RBM26: variants seen among roughly 807,000 people sequenced by gnomAD.
RBM26 encodes the protein RNA-binding protein 26.
In RBM26, 30 loss-of-function variants were observed where a neutral mutation model predicts 123.6. That is an observed-to-expected ratio of 0.24 (90% CI 0.18 to 0.33). RBM26 has a LOEUF of 0.33. Ranked by LOEUF, RBM26 falls within the 10% of genes least tolerant of loss-of-function variation. The pLI, the probability that RBM26 is intolerant of heterozygous loss-of-function variation, is 1.00. For missense variants in RBM26, 947 were observed against 1,203.6 expected, an observed-to-expected ratio of 0.79 and a Z score of 3.15; for synonymous variants, 400 against 404.4, an observed-to-expected ratio of 0.99 and a Z score of 0.13.
chr13:79,359,170 C>T (rs1404147733), intron 10 of RBM26, among the ~76,000 whole-genome samples: 3 of 152,094 alleles, frequency 2.0e-5, no homozygotes, highest in Admixed American at 6.6e-5. Context: ...CTCTCCAACC[C>T]CCACAAAAGC....
chr13:79,402,025 G>GAA (rs35518227), intron 1 of RBM26, among the ~76,000 whole-genome samples: 2,567 of 144,376 alleles, frequency 0.018, 29 homozygotes, highest in Non-Finnish European at 0.025. Flanking sequence ...GTCTCTTCAG[G>GAA]AAAAAAAAAA....
intron 20 of RBM26, among the ~76,000 whole-genome samples, chr13:79,323,029 AAATAT>A (rs2067873707): frequency 6.6e-6 from 1 of 151,546 alleles, no homozygotes; most frequent in African/African-American, 2.4e-5. Flanking sequence ...AACTAAAACA[AAATAT>A]AAGTGTCTCA....
At chr13:79,345,195 C>A in intron 14 of RBM26, among the ~76,000 whole-genome samples, 1 of 152,064 alleles carries the variant, frequency 6.6e-6, no homozygotes, top group East Asian at 1.9e-4. Flanking sequence ...CAATTTAACA[C>A]AATCATTTGC....
At chr13:79,344,633 T>C (rs1157057675) in intron 15 of RBM26, 36 bp downstream of exon 15, 15 of 1,581,966 alleles carry the variant, frequency 9.5e-6, no homozygotes, top group Non-Finnish European at 1.2e-5. Context: ...CTTTCCTATA[T>C]GCAAAAATTT....
downstream of RBM26, chr13:79,318,847 G>A: frequency 1.0e-6 from 1 of 976,980 alleles, no homozygotes; most frequent in South Asian, 4.7e-5. Context: ...GAAGAAACGT[G>A]AGCCTCTGCC....
rs1392694356 is a variant in RBM26 at position 79,371,944 on chromosome 13, A to AC, written c.328-15_328-14insG. ...CTCCTTAGTGATCTGATTAAAAAAA[A>AC]AAAAAAAAGTGTACAAGTTTAGTAA... On this transcript the variant is annotated splice_polypyrimidine_tract_variant and intron_variant, in intron 3 of 21. Coordinates refer to ENST00000438737, the MANE Select transcript of RBM26 (RefSeq NM_001366735.2). The AC allele has an allele frequency of 1.3e-6, 2 of 1,555,402 alleles. No homozygotes were observed. The highest frequency in any genetic ancestry group is 1.8e-6 in the Non-Finnish European group (2 of 1,131,374).
chr13:79,401,525 C>T (rs1008360362), intron 1 of RBM26, among the ~76,000 whole-genome samples: 3 of 152,154 alleles, frequency 2.0e-5, no homozygotes, highest in Non-Finnish European at 4.4e-5. Context: ...CAATGCTTAC[C>T]TCATAAAACT....
chr13:79,327,122 C>T (rs1471916460), intron 20 of RBM26, among the ~76,000 whole-genome samples: 1 of 151,524 alleles, frequency 6.6e-6, no homozygotes, highest in Non-Finnish European at 1.5e-5. Flanking sequence ...ATGGTGAGAC[C>T]CCATCTCTAC....
chr13:79,339,622 G>A (rs1353004489), intron 18 of RBM26, among the ~76,000 whole-genome samples: 3 of 152,256 alleles, frequency 2.0e-5, no homozygotes. Flanking sequence ...ATATACGGAA[G>A]TATGCTCTGA....
intron 3 of RBM26, 130 bp from the exon 4 acceptor site, chr13:79,372,060 C>A: frequency 1.6e-6 from 1 of 629,166 alleles, no homozygotes; most frequent in South Asian, 2.0e-5. Context: ...GCGGGTGGTT[C>A]ACGAAGTCGG....
Position 79,344,720 on chromosome 13 carries a change from T to C in RBM26, c.2133A>G (p.Leu711=), listed in dbSNP as rs1403985537. 1.9e-6 allele frequency: 3 copies of C among 1,613,170 alleles called. No homozygotes were observed. The Admixed American group carries it at 5.0e-5, about 27-fold the overall frequency. The change falls in exon 15 of 22, where the codon TTA becomes TTG. Residue 711 remains leucine (L), a synonymous_variant. Transcript: ENST00000438737. The part of the protein sequence containing the change: ...PAALKAAQKT[L]LVSTSAVDNN... ...TATCAACTGCAGAGGTGGAAACAAG[T>C]AAGGTTTTCTGTGCAGCCTTCAAAG...
rs777201336 is a variant in RBM26, at chr13:79,371,857, C to T, written c.401G>A (p.Arg134Gln). The change falls in exon 4 of 22, where the codon CGA becomes CAA. Residue 134 changes from arginine to glutamine, a missense_variant. Coordinates refer to ENST00000438737, the MANE Select transcript of RBM26 (RefSeq NM_001366735.2). ...AACTGCTCACCTATTTTCCCTGTAT[C>T]GGGAGCTTGACTGGGGAGGACTGTG... ...LNHSPPQSSS[R>Q]YRENRSRDER... The T allele has an allele frequency of 1.9e-6, 3 of 1,607,446 alleles. No homozygotes were observed. The highest frequency in any genetic ancestry group is 1.3e-5 in the African/African-American group (1 of 74,558).
rs2072222439 is a variant in RBM26, at chr13:79,345,784, T to C, written c.2059-990A>G. Among the ~76,000 whole-genome samples the C allele has an allele frequency of 1.3e-5, 2 of 152,178 alleles. 1 individual carries two copies. The highest frequency in any genetic ancestry group is 4.1e-4 in the South Asian group (2 of 4,836). ...AGGGTAAGTACTCAAAAAACATTTC[T>C]GCACTAAACTAGACTGAAATGACTA... On this transcript the variant is annotated intron_variant, in intron 14 of 21. Coordinates refer to ENST00000438737, the MANE Select transcript of RBM26 (RefSeq NM_001366735.2).
chr13:79,386,501 G>A (rs982662146), intron 1 of RBM26, among the ~76,000 whole-genome samples: 7 of 143,710 alleles, frequency 4.9e-5, no homozygotes, highest in African/African-American at 1.8e-4. Context: ...GTACTGTTCA[G>A]TGCAAACAGC....
chr13:79,375,912 A>G (rs958429609), intron 3 of RBM26, among the ~76,000 whole-genome samples: 3 of 152,038 alleles, frequency 2.0e-5, no homozygotes, highest in African/African-American at 7.2e-5. Context: ...AGCAGCTACC[A>G]TTTACTGAGA....
chr13:79,405,308 T>C (rs759149756), intron 1 of RBM26, among the ~76,000 whole-genome samples: 1 of 152,080 alleles, frequency 6.6e-6, no homozygotes, highest in Non-Finnish European at 1.5e-5. Context: ...GAAACGTGAG[T>C]GATTTAAGCT....
At chr13:79,401,160 A>G (rs1346992783) in intron 1 of RBM26, among the ~76,000 whole-genome samples, 2 of 152,216 alleles carry the variant, frequency 1.3e-5, no homozygotes, top group Non-Finnish European at 2.9e-5. Context: ...AACTCTTCCT[A>G]TCAGACACGA....
intron 1 of RBM26, among the ~76,000 whole-genome samples, chr13:79,390,423 C>T (rs535092447): frequency 6.6e-6 from 1 of 152,220 alleles, no homozygotes; most frequent in African/African-American, 2.4e-5. Context: ...AGGCAGAACA[C>T]TGCTTTCTTC....
chr13:79,401,791 C>T (rs2079071124), intron 1 of RBM26, among the ~76,000 whole-genome samples: 1 of 152,118 alleles, frequency 6.6e-6, no homozygotes, highest in Non-Finnish European at 1.5e-5. Context: ...GTTTCTTTGC[C>T]TAGACAGCTA....
Sources: gnomAD v4.1 joint callset for allele counts (sites outside exome capture counted in the v4.1 genomes callset) on GRCh38, gnomAD v4.1.1 for gene constraint, MANE v1.5 for transcripts, NCBI Gene and HGNC (gene_info 2026-07-23, HGNC 2026-07-21) for gene names.